PDXDC1: variants seen among roughly 807,000 people sequenced by gnomAD.
The protein encoded by PDXDC1 is pyridoxal dependent decarboxylase domain containing 1.
PDXDC1 carries 42 observed loss-of-function variants against 100.1 expected under a neutral mutation model. The ratio of observed to expected loss-of-function variants is 0.42; its 90% CI spans 0.33 to 0.54. PDXDC1 has a LOEUF of 0.54. Ranked by LOEUF, PDXDC1 falls within the 20% of genes least tolerant of loss-of-function variation. The pLI is 0.10. For missense variants in PDXDC1, 636 were observed against 979.2 expected (o/e 0.65, Z 4.68); for synonymous variants, 260 against 371.7 (o/e 0.70, Z 3.46).
rs10642182 is a variant in PDXDC1 at position 14,991,267 on chromosome 16, ATGTGTGTGTGTGTGTGTG to A, written c.22-6464_22-6447del. On this transcript the variant is annotated intron_variant, in intron 1 of 22. Coordinates refer to ENST00000396410, the MANE Select transcript of PDXDC1 (RefSeq NM_015027.4). ...ATATGTATTATATATGTATATAGAT[ATGTGTGTGTGTGTGTGTG>A]TGTGTGTGTGTGTGTGTGTGTATTT... is the stretch of plus-strand genomic sequence containing the variant. Among the ~76,000 whole-genome samples, 1,047 of 149,858 alleles carry A rather than the reference ATGTGTGTGTGTGTGTGTG, an allele frequency of 7.0e-3. 14 individuals carry two copies. The highest frequency in any genetic ancestry group is 0.049 in the East Asian group (244 of 5,020).
chr16:15,027,263 G>A (rs1337803939), intron 14 of PDXDC1, among the ~76,000 whole-genome samples: 3 of 152,296 alleles, frequency 2.0e-5, no homozygotes, highest in South Asian at 2.1e-4. Flanking sequence ...GGTGTGGCTC[G>A]CTTCTTCAGT....
At chr16:15,005,790 C>A (rs1410604085) in intron 5 of PDXDC1, among the ~76,000 whole-genome samples, 1 of 152,286 alleles carries the variant, frequency 6.6e-6, no homozygotes, top group Admixed American at 6.5e-5. Flanking sequence ...CCCTCCACCT[C>A]CTGGGTTCAA....
At chr16:15,141,563 G>C (rs371514700), downstream of PDXDC1, among the ~76,000 whole-genome samples, 3 of 152,318 alleles carry the variant, frequency 2.0e-5, 1 homozygote, top group Admixed American at 6.5e-5. Flanking sequence ...GGAGGGGAGA[G>C]GATCTGGGGG....
At chr16:15,008,919 T>C in intron 7 of PDXDC1, 72 bp downstream of exon 7, 1 of 1,432,740 alleles carries the variant, frequency 7.0e-7, no homozygotes, top group Non-Finnish European at 9.8e-7. Flanking sequence ...TGAAGTTCTT[T>C]TTGCTGGCCT....
chr16:15,101,938 T>G (rs2046564559), intron 16 of PDXDC1, among the ~76,000 whole-genome samples: 2 of 151,706 alleles, frequency 1.3e-5, no homozygotes, highest in South Asian at 4.2e-4. Flanking sequence ...AACCTCCACC[T>G]CCTGGGTTCA....
intron 16 of PDXDC1, chr16:15,086,470 G>A: frequency 1.2e-6 from 2 of 1,609,738 alleles, no homozygotes; most frequent in Non-Finnish European, 1.7e-6. Flanking sequence ...GTTAAACAAA[G>A]AGTACTTTCA....
rs530462342 is a variant in PDXDC1, at chr16:14,991,708, G to T, written c.22-6045G>T. On this transcript the variant is annotated intron_variant, in intron 1 of 22. Transcript: ENST00000396410. Reference sequence around the variant, plus strand: ...TTACTTTTTTTGTATTTTTTGTAGAGACGAGGTTTTGCCATGTTGCCCAGG... The same window carrying T: ...TTACTTTTTTTGTATTTTTTGTAGATACGAGGTTTTGCCATGTTGCCCAGG... Among the ~76,000 whole-genome samples the T allele has an allele frequency of 1.7e-4, 26 of 152,310 alleles. No homozygotes were observed. The South Asian group carries it at 4.1e-3, about 24-fold the overall frequency.
At chr16:15,123,290 C>T (rs909193957) in intron 16 of PDXDC1, 94 of 1,468,086 alleles carry the variant, frequency 6.4e-5, no homozygotes, top group Non-Finnish European at 8.4e-5. Flanking sequence ...CCTTCACAAA[C>T]CTGATTTCTG....
At chr16:15,141,500 C>G (rs1598293367), downstream of PDXDC1, among the ~76,000 whole-genome samples, 1 of 152,174 alleles carries the variant, frequency 6.6e-6, no homozygotes, top group Non-Finnish European at 1.5e-5. Flanking sequence ...CAGTTCCCTT[C>G]CCCCAGGGGC....
intron 11 of PDXDC1, 47 bp downstream of exon 11, chr16:15,017,469 TTATTG>T (rs2041879372): frequency 6.5e-7 from 1 of 1,531,010 alleles, no homozygotes; most frequent in African/African-American, 1.4e-5. Flanking sequence ...CTAATACACA[TTATTG>T]GCTTTGGGGG....
In PDXDC1 at chr16:15,035,535, A is replaced by G. The variant is rs1488160569; in HGVS notation, c.2089A>G (p.Thr697Ala). Residue 697 changes from threonine to alanine, a missense_variant, in exon 22 of 23, where the codon ACC (threonine) becomes GCC (alanine). Coordinates refer to ENST00000396410, the MANE Select transcript of PDXDC1 (RefSeq NM_015027.4). Reference protein sequence around the residue: ...TLPPTPSGSRTKQRLPGQKPF... With the variant: ...TLPPTPSGSRAKQRLPGQKPF... ...GCCTCCAACGCCCTCGGGCAGTCGCACCAAGCAGAGGCTTCCAGGTAAGTG... is the reference window on the plus strand; with the variant it reads ...GCCTCCAACGCCCTCGGGCAGTCGCGCCAAGCAGAGGCTTCCAGGTAAGTG... 4 of 1,610,560 alleles carry G rather than the reference A, an allele frequency of 2.5e-6. No homozygotes were observed. In the Admixed American group the frequency reaches 6.7e-5, roughly 27 times the overall value.
intron 16 of PDXDC1, among the ~76,000 whole-genome samples, chr16:15,067,923 A>G (rs2045046346): frequency 6.6e-6 from 1 of 151,702 alleles, no homozygotes; most frequent in Non-Finnish European, 1.5e-5. Context: ...ACACCCAGCT[A>G]ATTTTTAAAA....
At chr16:14,987,677 T>C (rs1429312147) in intron 1 of PDXDC1, among the ~76,000 whole-genome samples, 7 of 152,292 alleles carry the variant, frequency 4.6e-5, no homozygotes, top group Non-Finnish European at 1.0e-4. Context: ...AGTGGCACCA[T>C]CTCTGCTCAC....
intron 16 of PDXDC1, among the ~76,000 whole-genome samples, chr16:15,080,490 A>G (rs1401195048): frequency 6.6e-6 from 1 of 152,196 alleles, no homozygotes; most frequent in African/African-American, 2.4e-5. Flanking sequence ...GATGGCGTAC[A>G]GTGGTGCAAT....
rs369470387 is a variant in PDXDC1, at chr16:14,998,447, A to G, written c.161+42A>G. The G allele has an allele frequency of 2.1e-5, 33 of 1,592,466 alleles. No individual in the cohort carries two copies. The African/African-American group carries it at 3.7e-4, about 18-fold the overall frequency. On this transcript the variant is annotated intron_variant, in intron 3 of 22. Transcript: ENST00000396410. ...ATCCATACCTTTAGTTAAGGTGTAA[A>G]TTTTTGTTTGTTTCTGAGATGGAGT...
At chr16:15,010,206 C>T in intron 8 of PDXDC1, 1 of 171,508 alleles carries the variant, frequency 5.8e-6, no homozygotes, top group African/African-American at 2.4e-5. Context: ...GCCACCACAT[C>T]TGGCTAATTT....
intron 1 of PDXDC1, among the ~76,000 whole-genome samples, chr16:14,990,623 G>T (rs1373572249): frequency 1.3e-5 from 2 of 152,274 alleles, no homozygotes; most frequent in East Asian, 1.9e-4. Context: ...ACACGTGAGG[G>T]TCTATGGCAT....
At chr16:15,104,254 G>A in intron 16 of PDXDC1, 1 of 1,323,896 alleles carries the variant, frequency 7.6e-7, no homozygotes. Flanking sequence ...AAAACCTCAG[G>A]TCCCTCAGGC....
chr16:14,987,469 A>C lies in PDXDC1; in HGVS notation c.22-10284A>C, dbSNP rs1424057352. 2.0e-5 allele frequency among the ~76,000 whole-genome samples: 3 copies of C among 152,304 alleles called. No homozygotes were observed. The East Asian group carries it at 5.8e-4, about 29-fold the overall frequency. On this transcript the variant is annotated intron_variant, in intron 1 of 22. Transcript: ENST00000396410. ...ATTAGCACAATGCCTGGAATATAGTAAGCAACCCAGTAAGTATTAGTAATT... is the reference window on the plus strand; with the variant it reads ...ATTAGCACAATGCCTGGAATATAGTCAGCAACCCAGTAAGTATTAGTAATT...
Sources: allele counts gnomAD v4.1 joint callset (sites outside exome capture counted in the v4.1 genomes callset), GRCh38; gene constraint gnomAD v4.1.1; transcripts MANE v1.5; gene names NCBI Gene and HGNC (gene_info 2026-07-23, HGNC 2026-07-21).